The following RESF1 variants were observed in gnomAD, a reference collection of about 807,000 sequenced individuals.
RESF1 encodes gonad expressed transcript.
RESF1 carries 65 observed loss-of-function variants against 134.7 expected under a neutral mutation model. The ratio of observed to expected loss-of-function variants is 0.48; its 90% CI spans 0.40 to 0.59. The LOEUF (loss-of-function observed/expected upper bound fraction) is 0.59. Among genes scored for constraint, RESF1 ranks in the 20% least tolerant of loss-of-function variants. The pLI is 0.00. For missense variants in RESF1, 2,274 were observed against 2,002.7 expected (o/e 1.14, Z -2.59); for synonymous variants, 762 against 702.2 (o/e 1.09, Z -1.35).
chr12:31,965,178 A>T (rs1409365806), intron 2 of RESF1, among the ~76,000 whole-genome samples: 1 of 152,056 alleles, frequency 6.6e-6, no homozygotes, highest in East Asian at 1.9e-4. Flanking sequence ...GCTGGTCTCG[A>T]ACTTCTGACC....
At chr12:31,980,225 C>T (rs1939747360) in intron 3 of RESF1, among the ~76,000 whole-genome samples, 2 of 147,958 alleles carry the variant, frequency 1.4e-5, no homozygotes, top group South Asian at 4.3e-4. Flanking sequence ...GATTCTTGTG[C>T]ATCAGCCTCC....
intron 2 of RESF1, among the ~76,000 whole-genome samples, chr12:31,963,838 G>A (rs1487403395): frequency 6.6e-6 from 1 of 152,094 alleles, no homozygotes; most frequent in East Asian, 1.9e-4. Flanking sequence ...TGTTTTCAAG[G>A]CTCATTTATG....
At chr12:31,986,001 G>A (rs759505265) in intron 4 of RESF1, 44 bp downstream of exon 4, 3 of 1,314,376 alleles carry the variant, frequency 2.3e-6, no homozygotes, top group East Asian at 2.8e-5. Context: ...ATTGTAAAGA[G>A]TCGTAGGTCA....
chr12:31,983,699 C>T lies in RESF1; in HGVS notation c.2744C>T (p.Ser915Phe), dbSNP rs753945761. 1 of 1,613,856 alleles carries T rather than the reference C, an allele frequency of 6.2e-7. No individual in the cohort carries two copies. The highest frequency in any genetic ancestry group is 8.5e-7 in the Non-Finnish European group (1 of 1,180,004). The change falls in exon 4 of 6, where the codon TCT becomes TTT. Residue 915 changes from serine (S) to phenylalanine (F), a missense_variant. Physicochemically the swap from Ser to Phe is radical, Grantham distance 155 (BLOSUM62 -2). Transcript: ENST00000312561. ...TCCCAAATAGCAAAGATATTCAGCTCTCTTCCCTTGAAAATGGTTGAGCCA... is the reference window on the plus strand; with the variant it reads ...TCCCAAATAGCAAAGATATTCAGCTTTCTTCCCTTGAAAATGGTTGAGCCA... ...YNSQIAKIFS[S>F]LPLKMVEPQK...
chr12:31,968,109 T>C (rs1324146592), intron 2 of RESF1, among the ~76,000 whole-genome samples: 1 of 152,214 alleles, frequency 6.6e-6, no homozygotes, highest in Non-Finnish European at 1.5e-5. Context: ...ATTTTTCGAA[T>C]GCTTATGTTG....
Position 31,984,731 on chromosome 12 carries a change from C to G in RESF1, c.3776C>G (p.Thr1259Arg). The change falls in exon 4 of 6, where the codon ACA becomes AGA. Residue 1259 changes from threonine (T) to arginine (R), a missense_variant. By Grantham distance (71) the Thr-to-Arg change is moderately conservative. Coordinates refer to ENST00000312561, the MANE Select transcript of RESF1 (RefSeq NM_018169.4). Reference protein sequence around the residue: ...PELQDDSRKDTPKTKHKSLPR... With the variant: ...PELQDDSRKDRPKTKHKSLPR... The stretch of plus-strand genomic sequence containing the variant: ...CTACAAGACGACAGTAGAAAAGATA[C>G]ACCCAAAACAAAACATAAAAGCTTA... The G allele has an allele frequency of 6.2e-7, 1 of 1,608,178 alleles. No homozygotes were observed. The highest frequency in any genetic ancestry group is 1.1e-5 in the South Asian group (1 of 89,458).
chr12:31,974,306 G>A (rs536737082), intron 3 of RESF1, among the ~76,000 whole-genome samples: 2 of 152,128 alleles, frequency 1.3e-5, no homozygotes, highest in Admixed American at 1.3e-4. Context: ...CAATCTACAA[G>A]AGTTTTAGGT....
In RESF1 at chr12:31,959,431, G is replaced by C. The variant is rs1939198143; in HGVS notation, c.-402G>C. ...GCGGACCCCACTTGACTTAAACTCT[G>C]GGGCCCGGGAGGCCGCCGGTTTTCT... On this transcript the variant is annotated 5_prime_UTR_variant, in exon 1 of 6. Transcript: ENST00000312561. 1 of 152,480 alleles carries C rather than the reference G, an allele frequency of 6.6e-6. No homozygotes were observed. 9.4% of individuals were successfully genotyped at this position (152,480 alleles called of 1,614,324 possible).
At chr12:31,968,166 A>G (rs1939439007) in intron 2 of RESF1, among the ~76,000 whole-genome samples, 1 of 152,228 alleles carries the variant, frequency 6.6e-6, no homozygotes. Flanking sequence ...GTTTAACCAT[A>G]TCAGTGGATA....
In RESF1 at chr12:31,984,864, C is replaced by T; in HGVS notation, c.3909C>T (p.Thr1303=). The part of the protein sequence containing the change: ...KRKKLRFHEV[T]FHSSNKMTAS... Reference sequence around the variant, plus strand: ...AAAAATTGAGGTTTCACGAGGTAACCTTTCACTCCAGTAATAAAATGACAG... The same window carrying T: ...AAAAATTGAGGTTTCACGAGGTAACTTTTCACTCCAGTAATAAAATGACAG... The change falls in exon 4 of 6, where the codon ACC becomes ACT. Residue 1303 remains threonine (T), a synonymous_variant. Transcript: ENST00000312561. 1.9e-6 allele frequency: 3 copies of T among 1,605,958 alleles called. No homozygotes were observed. The highest frequency in any genetic ancestry group is 1.7e-4 in the Middle Eastern group (1 of 6,022).
chr12:31,964,635 C>T (rs1939358069), intron 2 of RESF1, among the ~76,000 whole-genome samples: 1 of 152,026 alleles, frequency 6.6e-6, no homozygotes, highest in Non-Finnish European at 1.5e-5. Context: ...TCCATAGACA[C>T]TTAACTTTTA....
At chr12:31,978,214 TATTTTTTTA>T (rs895805868) in intron 3 of RESF1, among the ~76,000 whole-genome samples, 2 of 152,176 alleles carry the variant, frequency 1.3e-5, no homozygotes, top group African/African-American at 4.8e-5. Flanking sequence ...ATTTTCTAAG[TATTTTTTTA>T]ATGGTATTTT....
At position 31,983,209 on chromosome 12, in the gene RESF1, A is replaced by G; in HGVS notation, c.2254A>G (p.Ile752Val). 4 of 1,610,072 alleles carry G rather than the reference A, an allele frequency of 2.5e-6. No individual in the cohort carries two copies. Among genetic ancestry groups the G allele is most frequent in the Non-Finnish European group, 3.4e-6 (4 of 1,178,468 alleles). ...MHNYESSGINITKGTELQIAV... is the reference protein window; with the variant it reads ...MHNYESSGINVTKGTELQIAV... ...CAATTATGAGTCTTCAGGTATAAAT[A>G]TAACAAAGGGAACAGAACTTCAGAT... Residue 752 changes from isoleucine (I) to valine (V), a missense_variant, in exon 4 of 6, where the codon ATA (isoleucine) becomes GTA (valine). Transcript: ENST00000312561.
Position 31,982,121 on chromosome 12 carries a change from C to A in RESF1, c.1166C>A (p.Ala389Glu), listed in dbSNP as rs748886668. The A allele has an allele frequency of 6.2e-7, 1 of 1,613,798 alleles. No individual in the cohort carries two copies. Among genetic ancestry groups the A allele is most frequent in the Non-Finnish European group, 8.5e-7 (1 of 1,179,952 alleles). ...TSNQVLDTSV[A>E]KEKLVRDIKT... The stretch of plus-strand genomic sequence containing the variant: ...AATCAAGTACTGGACACAAGTGTTG[C>A]AAAAGAAAAGCTAGTAAGGGATATT... The change falls in exon 4 of 6, where the codon GCA becomes GAA. Residue 389 changes from alanine to glutamate, a missense_variant. Physicochemically the swap from Ala to Glu is moderately radical, Grantham distance 107. Coordinates refer to ENST00000312561, the MANE Select transcript of RESF1 (RefSeq NM_018169.4).
At position 31,985,360 on chromosome 12, in the gene RESF1, G is replaced by T. The variant is rs749023641; in HGVS notation, c.4405G>T (p.Val1469Leu). 2 of 1,607,860 alleles carry T rather than the reference G, an allele frequency of 1.2e-6. No individual in the cohort carries two copies. The highest frequency in any genetic ancestry group is 2.2e-5 in the East Asian group (1 of 44,854). ...TAATAAAGCATCGAAGAAAATCTGT[G>T]TGAAAAACGTGCCATGTGATTCTGA... The part of the protein sequence containing the change: ...LSNKASKKIC[V>L]KNVPCDSEHM... Residue 1469 changes from valine (V) to leucine (L), a missense_variant, in exon 4 of 6, where the codon GTG becomes TTG. By Grantham distance (32) the Val-to-Leu change is conservative. Coordinates refer to ENST00000312561, the MANE Select transcript of RESF1 (RefSeq NM_018169.4).
At chr12:31,986,827 T>A (rs1056952093) in intron 4 of RESF1, among the ~76,000 whole-genome samples, 2 of 152,246 alleles carry the variant, frequency 1.3e-5, no homozygotes, top group African/African-American at 4.8e-5. Context: ...GGATATGTTT[T>A]CCTGGAAAAG....
intron 3 of RESF1, among the ~76,000 whole-genome samples, chr12:31,978,064 A>G (rs1329543914): frequency 6.6e-6 from 1 of 151,952 alleles, no homozygotes; most frequent in African/African-American, 2.4e-5. Flanking sequence ...TCAGCCTCCC[A>G]AAGTGCTGGG....
At position 31,981,461 on chromosome 12, in the gene RESF1, T is replaced by G; in HGVS notation, c.506T>G (p.Ile169Ser). 1 of 1,614,052 alleles carries G rather than the reference T, an allele frequency of 6.2e-7. No homozygotes were observed. Among genetic ancestry groups the G allele is most frequent in the Non-Finnish European group, 8.5e-7 (1 of 1,180,022 alleles). The change falls in exon 4 of 6, where the codon ATC becomes AGC. Residue 169 changes from isoleucine to serine, a missense_variant. Coordinates refer to ENST00000312561, the MANE Select transcript of RESF1 (RefSeq NM_018169.4). Reference protein sequence around the residue: ...SDTYSMQMQMIPSNSTRLPVA... With the variant: ...SDTYSMQMQMSPSNSTRLPVA... ...ACCTATTCTATGCAAATGCAGATGA[T>G]CCCTTCTAATTCTACACGACTTCCT...
chr12:31,982,087 C>T lies in RESF1; in HGVS notation c.1132C>T (p.Pro378Ser), dbSNP rs1216523525. The change falls in exon 4 of 6, where the codon CCA (proline) becomes TCA (serine). Residue 378 changes from proline to serine, a missense_variant. Pro to Ser is a moderately conservative substitution (Grantham distance 74). Transcript: ENST00000312561. The stretch of plus-strand genomic sequence containing the variant: ...AGAGAAAATAATGGATTCTTGCAAT[C>T]CAACTTCAAATCAAGTACTGGACAC... The part of the protein sequence containing the change: ...NEEKIMDSCN[P>S]TSNQVLDTSV... 1.2e-6 allele frequency: 2 copies of T among 1,613,966 alleles called. No homozygotes were observed.
Sources: gnomAD v4.1 joint callset for allele counts (sites outside exome capture counted in the v4.1 genomes callset) on GRCh38, gnomAD v4.1.1 for gene constraint, MANE v1.5 for transcripts, NCBI Gene and HGNC (gene_info 2026-07-23, HGNC 2026-07-21) for gene names.